USP32: variants seen among roughly 807,000 people sequenced by gnomAD.
USP32 encodes ubiquitin specific peptidase 32.
In USP32, 59 loss-of-function variants were observed where a neutral mutation model predicts 204.8. The observed-to-expected ratio is 0.29, with a 90% CI of 0.23 to 0.36. The LOEUF (loss-of-function observed/expected upper bound fraction) is 0.36, where lower values mean the gene tolerates loss of function less well. Ranked by LOEUF, USP32 falls within the 10% of genes least tolerant of loss-of-function variation. The probability of loss-of-function intolerance (pLI) is 1.00; values close to 1 mark genes in which losing one functional copy is unlikely to be tolerated. For missense variants in USP32, 1,160 were observed against 1,946.4 expected, an observed-to-expected ratio of 0.60 and a Z score of 7.60; for synonymous variants, 517 against 678.4, an observed-to-expected ratio of 0.76 and a Z score of 3.70.
At chr17:60,282,513 C>T (rs2086993321) in intron 5 of USP32, among the ~76,000 whole-genome samples, 2 of 152,116 alleles carry the variant, frequency 1.3e-5, no homozygotes, top group Non-Finnish European at 2.9e-5. Flanking sequence ...GCCACTACAC[C>T]CGGCTAATTT....
chr17:60,392,265 C>T (rs1403404139), upstream of USP32: 4 of 317,744 alleles, frequency 1.3e-5, no homozygotes, highest in Non-Finnish European at 2.4e-5. Flanking sequence ...CCGAGGGTCA[C>T]GGGACCCGAG....
chr17:60,251,275 A>T (rs2086161063), intron 11 of USP32, among the ~76,000 whole-genome samples: 1 of 149,514 alleles, frequency 6.7e-6, no homozygotes, highest in Non-Finnish European at 1.5e-5. Context: ...GCCTTCACTT[A>T]AAAAAAAAAT....
At chr17:60,208,356 A>G in intron 23 of USP32, 146 bp from the exon 24 acceptor site, 1 of 795,678 alleles carries the variant, frequency 1.3e-6, no homozygotes, top group Non-Finnish European at 1.8e-6. Context: ...ACTAAAACAG[A>G]TGGTACTTAG....
intron 26 of USP32, among the ~76,000 whole-genome samples, chr17:60,203,019 A>T (rs528148395): frequency 3.3e-5 from 5 of 150,278 alleles, no homozygotes; most frequent in African/African-American, 1.0e-4. Context: ...AGGTTAGAAG[A>T]GACAAGAAAG....
intron 12 of USP32, among the ~76,000 whole-genome samples, chr17:60,229,915 G>C (rs1274882719): frequency 1.3e-5 from 2 of 152,096 alleles, no homozygotes; most frequent in Non-Finnish European, 2.9e-5. Context: ...CTGGGTTCAA[G>C]CAATTCTCCT....
At position 60,392,022 on chromosome 17, in the gene USP32, G is replaced by A. The variant is rs1354495037; in HGVS notation, c.-83C>T. On this transcript the variant is annotated 5_prime_UTR_variant, in exon 1 of 34. Coordinates refer to ENST00000300896, the MANE Select transcript of USP32 (RefSeq NM_032582.4). ...CGCCTTCTCCTCGGCGTCCCTGGGT[G>A]ACGGTGACGGTGTCGGCGTCCCCCG... is the stretch of plus-strand genomic sequence containing the variant. 14 of 1,474,248 alleles carry A rather than the reference G, an allele frequency of 9.5e-6. No homozygotes were observed. Among genetic ancestry groups the A allele is most frequent in the Admixed American group, 3.8e-5 (2 of 52,098 alleles). 91.3% of individuals were successfully genotyped at this position (1,474,248 alleles called of 1,614,324 possible).
At chr17:60,310,269 G>A (rs564239726) in intron 2 of USP32, among the ~76,000 whole-genome samples, 78 of 152,194 alleles carry the variant, frequency 5.1e-4, no homozygotes, top group Admixed American at 2.5e-3. Flanking sequence ...GGAAATCAAT[G>A]TATCAAAAAG....
At chr17:60,254,626 G>A (rs140157858) in intron 10 of USP32, among the ~76,000 whole-genome samples, 10 of 152,226 alleles carry the variant, frequency 6.6e-5, no homozygotes, top group African/African-American at 9.6e-5. Flanking sequence ...CTGAGTCTGC[G>A]CAGTCAAGGC....
chr17:60,341,259 T>A (rs1023637364), intron 2 of USP32, among the ~76,000 whole-genome samples: 2 of 152,058 alleles, frequency 1.3e-5, no homozygotes, highest in African/African-American at 2.4e-5. Context: ...TCCTAAAGAG[T>A]GTTTTCCAGC....
chr17:60,347,720 T>G (rs956409662), intron 1 of USP32, among the ~76,000 whole-genome samples: 1 of 150,546 alleles, frequency 6.6e-6, no homozygotes, highest in African/African-American at 2.4e-5. Flanking sequence ...TCTCCTGACC[T>G]CAAGTGATCT....
intron 1 of USP32, 123 bp from the exon 2 acceptor site, chr17:60,345,731 CA>C: frequency 7.7e-7 from 1 of 1,293,874 alleles, no homozygotes; most frequent in South Asian, 1.3e-5. Context: ...CCTATAATCC[CA>C]GTACTTTGGA....
chr17:60,401,735 AAAAAG>A (rs2143024028), intron 1 of USP32, among the ~76,000 whole-genome samples: 1 of 152,156 alleles, frequency 6.6e-6, no homozygotes, highest in East Asian at 1.9e-4. Context: ...AGAAAAAAAA[AAAAAG>A]AAAGAAAGTA....
In USP32 at chr17:60,181,307, T is replaced by A; in HGVS notation, c.4548+17A>T. The stretch of plus-strand genomic sequence containing the variant: ...AACACAGACCACTCTCTGAAAACCA[T>A]ATAATAAACCACTTACCGAAATTGC... On this transcript the variant is annotated intron_variant, in intron 32 of 33. Transcript: ENST00000300896. 1 of 1,598,858 alleles carries A rather than the reference T, an allele frequency of 6.3e-7. No homozygotes were observed.
chr17:60,280,721 C>T (rs2086948177), intron 5 of USP32, among the ~76,000 whole-genome samples: 1 of 152,110 alleles, frequency 6.6e-6, no homozygotes, highest in African/African-American at 2.4e-5. Flanking sequence ...CTATTTTTAT[C>T]ACAAGTTTCC....
At chr17:60,343,316 C>T (rs905509023) in intron 2 of USP32, among the ~76,000 whole-genome samples, 11 of 152,136 alleles carry the variant, frequency 7.2e-5, no homozygotes, top group South Asian at 4.1e-4. Context: ...TAGAAATCTA[C>T]AGAACTCTCC....
chr17:60,249,773 A>G (rs2145700424), intron 11 of USP32: 1 of 700,572 alleles, frequency 1.4e-6, no homozygotes, highest in East Asian at 2.7e-5. Flanking sequence ...TTGTTTGACA[A>G]TTTTGTTCAG....
chr17:60,194,538 G>T (rs1598043606), intron 27 of USP32, among the ~76,000 whole-genome samples: 1 of 152,100 alleles, frequency 6.6e-6, no homozygotes, highest in Non-Finnish European at 1.5e-5. Context: ...ACTCACTAAA[G>T]ATTGCAGCAC....
intron 30 of USP32, 98 bp from the exon 31 acceptor site, chr17:60,183,551 A>G: frequency 7.0e-7 from 1 of 1,434,460 alleles, no homozygotes; most frequent in Non-Finnish European, 9.4e-7. Context: ...ATGTTTGGGA[A>G]TATATAACAG....
At position 60,212,060 on chromosome 17, in the gene USP32, A is replaced by C; in HGVS notation, c.2143T>G (p.Phe715Val). The C allele has an allele frequency of 6.2e-7, 1 of 1,608,650 alleles. No homozygotes were observed. The highest frequency in any genetic ancestry group is 8.5e-7 in the Non-Finnish European group (1 of 1,176,820). Residue 715 changes from phenylalanine (F) to valine (V), a missense_variant, in exon 19 of 34, where the codon TTT becomes GTT. Phe to Val is a conservative substitution (Grantham distance 50, BLOSUM62 -1). Coordinates refer to ENST00000300896, the MANE Select transcript of USP32 (RefSeq NM_032582.4). Reference sequence around the variant, plus strand: ...TCTATTTTACTACTATTTGCTATAAAAGACATCTCCTCAGGCCAACTCATA... The same window carrying C: ...TCTATTTTACTACTATTTGCTATAACAGACATCTCCTCAGGCCAACTCATA... ...KDMSWPEEMS[F>V]IANSSKIDRH...
Sources: allele counts gnomAD v4.1 joint callset (sites outside exome capture counted in the v4.1 genomes callset), GRCh38; gene constraint gnomAD v4.1.1; transcripts MANE v1.5; gene names NCBI Gene and HGNC (gene_info 2026-07-23, HGNC 2026-07-21).